LRRC4C: variants seen among roughly 807,000 people sequenced by gnomAD.
LRRC4C encodes leucine rich repeat containing 4C.
LRRC4C carries 5 observed loss-of-function variants against 33.6 expected under a neutral mutation model. The ratio of observed to expected loss-of-function variants is 0.15; its 90% CI spans 0.08 to 0.31. The LOEUF (loss-of-function observed/expected upper bound fraction) is 0.31. Ranked by LOEUF, LRRC4C falls within the 10% of genes least tolerant of loss-of-function variation. The pLI is 1.00. For missense variants in LRRC4C, 560 were observed against 796.7 expected (o/e 0.70, Z 3.58); for synonymous variants, 329 against 302.0 (o/e 1.09, Z -0.93).
chr11:41,270,583 T>A (rs924537222), intron 1 of LRRC4C, among the ~76,000 whole-genome samples: 2 of 152,050 alleles, frequency 1.3e-5, no homozygotes, highest in Admixed American at 6.6e-5. Context: ...TCAGTCAAAG[T>A]AAGAGAAATT....
At chr11:40,713,521 C>A (rs574110404) in intron 2 of LRRC4C, among the ~76,000 whole-genome samples, 1 of 152,260 alleles carries the variant, frequency 6.6e-6, no homozygotes, top group Admixed American at 6.5e-5. Flanking sequence ...ACAAGTGACA[C>A]AAGAACTCTT....
intron 3 of LRRC4C, among the ~76,000 whole-genome samples, chr11:40,521,245 C>G (rs1387744545): frequency 6.6e-6 from 1 of 152,110 alleles, no homozygotes; most frequent in Non-Finnish European, 1.5e-5. Context: ...GCTTGCACTT[C>G]AGGTATAATT....
intron 2 of LRRC4C, among the ~76,000 whole-genome samples, chr11:40,651,211 C>T (rs538928111): frequency 6.6e-6 from 1 of 152,220 alleles, no homozygotes; most frequent in Non-Finnish European, 1.5e-5. Flanking sequence ...TAGTTTTGAT[C>T]AGTGTCATTC....
intron 5 of LRRC4C, among the ~76,000 whole-genome samples, chr11:40,205,675 G>C (rs145162138): frequency 2.3e-3 from 354 of 151,966 alleles, no homozygotes; most frequent in African/African-American, 8.2e-3. Context: ...GTTTTCCCAC[G>C]TTCTCACCCC....
At chr11:41,420,229 A>G (rs2956781) in intron 1 of LRRC4C, among the ~76,000 whole-genome samples, 64,515 of 151,680 alleles carry the variant, frequency 0.43, 14,603 homozygotes, top group East Asian at 0.58. Context: ...ATTTCTCCAA[A>G]GAGATCCAGG....
intron 1 of LRRC4C, among the ~76,000 whole-genome samples, chr11:41,203,122 T>C (rs1032043724): frequency 2.0e-5 from 3 of 152,200 alleles, no homozygotes; most frequent in Non-Finnish European, 4.4e-5. Flanking sequence ...TTGGGCTGTG[T>C]TCATCATGGA....
chr11:41,445,447 G>A (rs369498069), intron 1 of LRRC4C, among the ~76,000 whole-genome samples: 7 of 152,276 alleles, frequency 4.6e-5, no homozygotes, highest in South Asian at 4.1e-4. Flanking sequence ...TTAAGGGATG[G>A]AGTAGGCTAT....
chr11:40,589,128 C>T (rs1958910420), intron 3 of LRRC4C, among the ~76,000 whole-genome samples: 1 of 152,058 alleles, frequency 6.6e-6, no homozygotes, highest in Non-Finnish European at 1.5e-5. Context: ...CTTTGTAGGT[C>T]ACTCAGGACT....
chr11:40,452,948 G>A (rs1037384630), intron 3 of LRRC4C, among the ~76,000 whole-genome samples: 3 of 150,652 alleles, frequency 2.0e-5, no homozygotes, highest in Non-Finnish European at 2.9e-5. Context: ...ACCAAACACC[G>A]CATGTTCTCA....
intron 1 of LRRC4C, among the ~76,000 whole-genome samples, chr11:41,326,891 G>A (rs571000962): frequency 6.6e-6 from 1 of 152,314 alleles, no homozygotes; most frequent in Non-Finnish European, 1.5e-5. Context: ...AAGAAGCCTG[G>A]TAGGCAATAT....
chr11:40,177,718 G>A (rs745518723), intron 5 of LRRC4C, among the ~76,000 whole-genome samples: 78 of 151,670 alleles, frequency 5.1e-4, no homozygotes, highest in African/African-American at 6.5e-4. Context: ...CCATTTTTCC[G>A]TTGTTGTTAT....
rs7124115 is a variant in LRRC4C, at chr11:40,705,893, C to G, written c.-406-57615G>C. On this transcript the variant is annotated intron_variant, in intron 2 of 6. Transcript: ENST00000528697. ...TTGTTTCCTGACTTTTTAATGATCACCATTCTAACTGGTGTGAGATGGTAT... is the reference window on the plus strand; with the variant it reads ...TTGTTTCCTGACTTTTTAATGATCAGCATTCTAACTGGTGTGAGATGGTAT... Among the ~76,000 whole-genome samples the G allele has an allele frequency of 1.3e-3, 198 of 151,920 alleles. 4 individuals are homozygous for G. The highest frequency in any genetic ancestry group is 3.2e-3 in the Middle Eastern group (1 of 316).
chr11:40,552,330 C>T (rs1311353056), intron 3 of LRRC4C, among the ~76,000 whole-genome samples: 2 of 152,214 alleles, frequency 1.3e-5, no homozygotes, highest in Non-Finnish European at 2.9e-5. Context: ...GCCACACAGT[C>T]AGCCAACTGA....
chr11:40,541,723 ATAGACCATGACTCACTCAATCATC>A (rs1170683495), intron 3 of LRRC4C, among the ~76,000 whole-genome samples: 1 of 152,178 alleles, frequency 6.6e-6, no homozygotes, highest in Non-Finnish European at 1.5e-5. Flanking sequence ...TTCCTAAATG[ATAGACCATGACTCACTCAATCATC>A]TCTGTATCTC....
At chr11:41,131,640 T>C (rs1943018276) in intron 1 of LRRC4C, among the ~76,000 whole-genome samples, 1 of 152,070 alleles carries the variant, frequency 6.6e-6, no homozygotes. Flanking sequence ...CAGGGCTGCA[T>C]TCCCAGGAGG....
chr11:41,150,169 G>A (rs1238066571), intron 1 of LRRC4C, among the ~76,000 whole-genome samples: 2 of 151,952 alleles, frequency 1.3e-5, no homozygotes, highest in East Asian at 3.9e-4. Context: ...ATTTTCTTAC[G>A]ACTCAACCAG....
At chr11:40,799,416 A>G (rs1950955293) in intron 2 of LRRC4C, among the ~76,000 whole-genome samples, 1 of 152,188 alleles carries the variant, frequency 6.6e-6, no homozygotes, top group African/African-American at 2.4e-5. Context: ...ATAAAAAAAC[A>G]ACATGGTAGA....
intron 3 of LRRC4C, among the ~76,000 whole-genome samples, chr11:40,534,554 G>T (rs923277371): frequency 6.6e-6 from 1 of 152,038 alleles, no homozygotes; most frequent in Non-Finnish European, 1.5e-5. Flanking sequence ...ATATTATGGG[G>T]TAAAATGTAA....
intron 1 of LRRC4C, among the ~76,000 whole-genome samples, chr11:41,292,508 G>T (rs907609834): frequency 6.6e-6 from 1 of 151,414 alleles, no homozygotes; most frequent in Non-Finnish European, 1.5e-5. Flanking sequence ...CAGGGGAGGT[G>T]GTAGAAATGC....
Sources: allele counts gnomAD v4.1 joint callset (sites outside exome capture counted in the v4.1 genomes callset), GRCh38; gene constraint gnomAD v4.1.1; transcripts MANE v1.5; gene names NCBI Gene and HGNC (gene_info 2026-07-23, HGNC 2026-07-21).